JAKMIP2: variants seen among roughly 807,000 people sequenced by gnomAD.
JAKMIP2 encodes the protein janus kinase and microtubule-interacting protein 2.
JAKMIP2 carries 25 observed loss-of-function variants against 115.0 expected under a neutral mutation model. The ratio of observed to expected loss-of-function variants is 0.22; its 90% confidence interval spans 0.16 to 0.30. The LOEUF (loss-of-function observed/expected upper bound fraction) is 0.30, where lower values mean the gene tolerates loss of function less well. Ranked by LOEUF, JAKMIP2 falls within the 10% of genes least tolerant of loss-of-function variation. The pLI is 1.00. For synonymous variants in JAKMIP2, 334 were observed against 343.6 expected, an observed-to-expected ratio of 0.97 and a Z score of 0.31; for missense variants, 642 against 957.6, an observed-to-expected ratio of 0.67 and a Z score of 4.35.
chr5:147,676,319 G>A (rs1341459833), intron 1 of JAKMIP2, among the ~76,000 whole-genome samples: 2 of 152,206 alleles, frequency 1.3e-5, no homozygotes, highest in Non-Finnish European at 2.9e-5. Context: ...CTGGGCGACA[G>A]AGCGAGACTC....
At chr5:147,689,793 T>C (rs1760745001) in intron 1 of JAKMIP2, among the ~76,000 whole-genome samples, 1 of 152,176 alleles carries the variant, frequency 6.6e-6, no homozygotes, top group African/African-American at 2.4e-5. Context: ...CTGCAGAATA[T>C]GGCTATAGCA....
At chr5:147,604,635 T>C (rs192405471) in intron 20 of JAKMIP2, among the ~76,000 whole-genome samples, 1 of 152,200 alleles carries the variant, frequency 6.6e-6, no homozygotes, top group African/African-American at 2.4e-5. Flanking sequence ...GCTACTTTCT[T>C]CTTGTGTGCC....
At chr5:147,731,536 G>C (rs1477578317) in intron 1 of JAKMIP2, among the ~76,000 whole-genome samples, 1 of 152,166 alleles carries the variant, frequency 6.6e-6, no homozygotes, top group African/African-American at 2.4e-5. Context: ...ACTTAAGTTC[G>C]TGATCTCTTA....
rs767906197 is a variant in JAKMIP2 at position 147,641,745 on chromosome 5, C to T, written c.1244G>A (p.Arg415His). The T allele has an allele frequency of 3.1e-5, 50 of 1,612,930 alleles. No homozygotes were observed. The highest frequency in any genetic ancestry group is 6.7e-5 in the Admixed American group (4 of 59,964). ...ELTRDREKLIRRRKHRRSSKP... is the reference protein window; with the variant it reads ...ELTRDREKLIHRRKHRRSSKP... ...GGAACTTCTTCTATGCTTTCTTCTA[C>T]GGATGAGCTTTTCTCGGTCCTGGAA... Residue 415 changes from arginine to histidine, a missense_variant, in exon 8 of 22, where the codon CGT (arginine) becomes CAT (histidine). Transcript: ENST00000616793.
intron 1 of JAKMIP2, among the ~76,000 whole-genome samples, chr5:147,679,903 C>T (rs34216842): frequency 1.3e-3 from 203 of 151,922 alleles, no homozygotes; most frequent in African/African-American, 4.7e-3. Context: ...ATAAAGAGAG[C>T]GATTTCATAC....
chr5:147,713,801 G>T (rs1752869021), intron 1 of JAKMIP2, among the ~76,000 whole-genome samples: 1 of 152,134 alleles, frequency 6.6e-6, no homozygotes, highest in South Asian at 2.1e-4. Context: ...GAAATAGCTG[G>T]TGTCTAGGTA....
intron 11 of JAKMIP2, chr5:147,636,530 C>A (rs1466327064): frequency 3.4e-6 from 2 of 583,496 alleles, no homozygotes; most frequent in Non-Finnish European, 6.1e-6. Context: ...AATCCAGGAC[C>A]AGCCTTCTGG....
intron 1 of JAKMIP2, 83 bp downstream of exon 1, chr5:147,782,373 T>C: frequency 7.2e-7 from 1 of 1,380,634 alleles, no homozygotes; most frequent in Non-Finnish European, 9.9e-7. Flanking sequence ...GGAGTCATTG[T>C]TCAAGTTCAG....
rs1444799693 is a variant in JAKMIP2, at chr5:147,644,183, A to T, written c.1099T>A (p.Ser367Thr). The T allele has an allele frequency of 3.2e-6, 5 of 1,585,926 alleles. No individual in the cohort carries two copies. Among genetic ancestry groups the T allele is most frequent in the East Asian group, 2.3e-5 (1 of 44,164 alleles). The change falls in exon 7 of 22, where the codon TCC becomes ACC. Residue 367 changes from serine (S) to threonine (T), a missense_variant. Transcript: ENST00000616793. ...TTTAATTTCTTCAGGGGTGGATGGG[A>T]TGTTATTTTTTCTCTCTGGATTGGA... ...ENSEMREKIT[S>T]HPPLKKLKSL...
Position 147,631,466 on chromosome 5 carries a change from A to G in JAKMIP2, c.1822T>C (p.Phe608Leu), listed in dbSNP as rs1757346090. 1 of 1,612,192 alleles carries G rather than the reference A, an allele frequency of 6.2e-7. No individual in the cohort carries two copies. Among genetic ancestry groups the G allele is most frequent in the African/African-American group, 1.3e-5 (1 of 74,892 alleles). The change falls in exon 14 of 22, where the codon TTC (phenylalanine) becomes CTC (leucine). Residue 608 changes from phenylalanine (F) to leucine (L), a missense_variant. By Grantham distance (22) the Phe-to-Leu change is conservative. This residue lies in a region of JAKMIP2 where 103 missense variants were observed against 177.6 expected (regional missense o/e 0.58). Coordinates refer to ENST00000616793, the MANE Select transcript of JAKMIP2 (RefSeq NM_001270941.2). ...TGTAGAGCACTCACACCATCTGAGA[A>G]TGGGTGAATTTGGAGATTAAATGGA... ...SPPFNLQIHP[F>L]SDGVSALQIY... is the part of the protein sequence containing the mutation.
intron 14 of JAKMIP2, among the ~76,000 whole-genome samples, chr5:147,630,738 G>A (rs945283890): frequency 3.9e-5 from 6 of 152,078 alleles, no homozygotes; most frequent in Admixed American, 3.9e-4. Context: ...GAGAGACCAG[G>A]AATAGCAGGC....
At chr5:147,780,562 T>C (rs11740989) in intron 1 of JAKMIP2, among the ~76,000 whole-genome samples, 15,451 of 152,170 alleles carry the variant, frequency 0.1, 1,133 homozygotes, top group East Asian at 0.39. Context: ...ACAAGCCCAG[T>C]ACCTCTTTCC....
At chr5:147,702,579 G>A (rs142260977) in intron 1 of JAKMIP2, among the ~76,000 whole-genome samples, 18,109 of 77,668 alleles carry the variant, frequency 0.23, 2,619 homozygotes, top group East Asian at 0.43. Flanking sequence ...AAAGAAAGAA[G>A]GAAAGAAAGA....
intron 6 of JAKMIP2, among the ~76,000 whole-genome samples, chr5:147,644,613 C>G (rs185012928): frequency 2.0e-4 from 31 of 152,278 alleles, no homozygotes; most frequent in Non-Finnish European, 4.3e-4. Flanking sequence ...CATTTCCAAG[C>G]TTTGGAAAGT....
chr5:147,695,788 T>C (rs1191654092), intron 1 of JAKMIP2, among the ~76,000 whole-genome samples: 1 of 151,768 alleles, frequency 6.6e-6, no homozygotes, highest in Non-Finnish European at 1.5e-5. Context: ...TTGATAGAAA[T>C]TGAGATTTAA....
At chr5:147,775,980 G>A (rs1268177764) in intron 1 of JAKMIP2, among the ~76,000 whole-genome samples, 1 of 152,084 alleles carries the variant, frequency 6.6e-6, no homozygotes, top group African/African-American at 2.4e-5. Flanking sequence ...AAACACACAG[G>A]TTGCAGAGAG....
At chr5:147,713,310 T>C (rs564412616) in intron 1 of JAKMIP2, among the ~76,000 whole-genome samples, 3 of 152,284 alleles carry the variant, frequency 2.0e-5, no homozygotes, top group South Asian at 2.1e-4. Context: ...TTCCATTTTT[T>C]TACGTGAGAC....
rs115055465 is a variant in JAKMIP2 at position 147,727,454 on chromosome 5, T to C, written c.-149+55002A>G. ...AGAGGCCTCAGGAAACTTACAATCA[T>C]GGCAGAAGGCAAAAGGGAAGCAAGG... On this transcript the variant is annotated intron_variant, in intron 1 of 21. Transcript: ENST00000616793. Among the ~76,000 whole-genome samples the C allele has an allele frequency of 4.2e-3, 636 of 152,318 alleles. 3 individuals carry two copies. The highest frequency in any genetic ancestry group is 6.6e-3 in the Non-Finnish European group (451 of 68,020).
intron 12 of JAKMIP2, among the ~76,000 whole-genome samples, chr5:147,634,351 A>C (rs1757509653): frequency 6.6e-6 from 1 of 152,186 alleles, no homozygotes; most frequent in Non-Finnish European, 1.5e-5. Flanking sequence ...AACACTTATT[A>C]CTGGGCATCT....
Sources: allele counts gnomAD v4.1 joint callset (sites outside exome capture counted in the v4.1 genomes callset), GRCh38; gene constraint gnomAD v4.1.1; regional missense constraint gnomAD v4.1.1; transcripts MANE v1.5; gene names NCBI Gene and HGNC (gene_info 2026-07-23, HGNC 2026-07-21).